Variants in CCSER1 observed in about 807,000 individuals in gnomAD.
CCSER1 encodes serine-rich coiled-coil domain-containing protein 1.
CCSER1 carries 41 observed loss-of-function variants against 82.0 expected under a neutral mutation model. The ratio of observed to expected loss-of-function variants is 0.50; its 90% CI spans 0.39 to 0.65. CCSER1 has a LOEUF of 0.65. Among genes scored for constraint, CCSER1 ranks in the 30% least tolerant of loss-of-function variants. The pLI, the probability that CCSER1 is intolerant of heterozygous loss-of-function variation, is 0.00. For synonymous variants in CCSER1, 414 were observed against 383.9 expected, an observed-to-expected ratio of 1.08 and a Z score of -0.92; for missense variants, 1,119 against 1,064.2, an observed-to-expected ratio of 1.05 and a Z score of -0.72.
intron 10 of CCSER1, among the ~76,000 whole-genome samples, chr4:91,201,041 T>C (rs1735866721): frequency 6.6e-6 from 1 of 152,052 alleles, no homozygotes; most frequent in Admixed American, 6.6e-5. Context: ...CAGTTTACTA[T>C]GTATCTGACT....
At chr4:91,128,385 G>A (rs187281096) in intron 10 of CCSER1, among the ~76,000 whole-genome samples, 430 of 152,002 alleles carry the variant, frequency 2.8e-3, no homozygotes, top group African/African-American at 9.9e-3. Context: ...AAGACAGATA[G>A]GTGTAAACCC....
At chr4:90,539,569 C>CT (rs1167996124) in intron 5 of CCSER1, among the ~76,000 whole-genome samples, 2 of 152,042 alleles carry the variant, frequency 1.3e-5, no homozygotes, top group African/African-American at 4.8e-5. Context: ...AATACAGACT[C>CT]TAATTGGGTA....
chr4:90,663,545 C>T (rs557893955), intron 6 of CCSER1, among the ~76,000 whole-genome samples: 1 of 152,296 alleles, frequency 6.6e-6, no homozygotes, highest in East Asian at 1.9e-4. Context: ...AGCTAGAATG[C>T]AGTGGCACAA....
intron 9 of CCSER1, among the ~76,000 whole-genome samples, chr4:90,948,374 A>G (rs1443278910): frequency 6.6e-6 from 1 of 151,826 alleles, no homozygotes; most frequent in Admixed American, 6.6e-5. Context: ...TCAGGATTTA[A>G]AAAATAATTA....
chr4:90,422,436 A>G (rs1478486828), intron 4 of CCSER1, among the ~76,000 whole-genome samples: 2 of 152,220 alleles, frequency 1.3e-5, no homozygotes, highest in South Asian at 2.1e-4. Flanking sequence ...TTTACAAAAC[A>G]TAAAAGAAAT....
At chr4:91,438,926 A>C (rs1754895273) in intron 10 of CCSER1, among the ~76,000 whole-genome samples, 1 of 152,190 alleles carries the variant, frequency 6.6e-6, no homozygotes, top group Non-Finnish European at 1.5e-5. Flanking sequence ...AGGGAAGTTT[A>C]GAGAAAAAAG....
intron 7 of CCSER1, among the ~76,000 whole-genome samples, chr4:90,771,956 T>C (rs1426628855): frequency 6.6e-6 from 1 of 152,110 alleles, no homozygotes; most frequent in East Asian, 1.9e-4. Context: ...TACTCGAGTT[T>C]TGATCTTTGT....
chr4:91,054,379 C>G (rs1743258357), intron 9 of CCSER1, among the ~76,000 whole-genome samples: 2 of 152,104 alleles, frequency 1.3e-5, no homozygotes. Context: ...TATTATTTAC[C>G]TAGTTTTCAT....
rs1782940030 is a variant in CCSER1, at chr4:90,593,380, AG to A, written c.1725-34644del. On this transcript the variant is annotated intron_variant, in intron 5 of 10. Transcript: ENST00000509176. ...AGCACGGAAAGAATGAAGCAACAAA[AG>A]CAGAGACTAATTGAAAATGAAAGCA... 2.6e-5 allele frequency among the ~76,000 whole-genome samples: 4 copies of A among 152,156 alleles called. No homozygotes were observed. The South Asian group carries it at 8.3e-4, about 31-fold the overall frequency.
At chr4:90,719,691 G>A (rs1742331806) in intron 6 of CCSER1, among the ~76,000 whole-genome samples, 1 of 152,126 alleles carries the variant, frequency 6.6e-6, no homozygotes, top group Non-Finnish European at 1.5e-5. Context: ...GAGGGTAGAA[G>A]ACCATAGATG....
At chr4:91,544,346 G>C (rs553765875) in intron 10 of CCSER1, among the ~76,000 whole-genome samples, 1 of 152,250 alleles carries the variant, frequency 6.6e-6, no homozygotes, top group Non-Finnish European at 1.5e-5. Context: ...TTGTTCTGTT[G>C]CTGGCAAGGA....
intron 3 of CCSER1, among the ~76,000 whole-genome samples, chr4:90,329,834 G>A (rs1738949760): frequency 6.6e-6 from 1 of 152,074 alleles, no homozygotes; most frequent in African/African-American, 2.4e-5. Flanking sequence ...GCTATTTACA[G>A]AGAAATTTAA....
At chr4:90,255,219 A>G (rs1399758760) in intron 1 of CCSER1, among the ~76,000 whole-genome samples, 1 of 152,226 alleles carries the variant, frequency 6.6e-6, no homozygotes, top group Non-Finnish European at 1.5e-5. Flanking sequence ...TAATTTACAA[A>G]GAAAATTATA....
At chr4:91,157,831 G>A (rs1485134831) in intron 10 of CCSER1, among the ~76,000 whole-genome samples, 1 of 151,934 alleles carries the variant, frequency 6.6e-6, no homozygotes, top group Admixed American at 6.6e-5. Context: ...CTTTTTGATT[G>A]TCCATGCTCC....
In CCSER1 at chr4:91,218,593, G is replaced by C. The variant is rs1737485939; in HGVS notation, c.2217+132599G>C. On this transcript the variant is annotated intron_variant, in intron 10 of 10. Transcript: ENST00000509176. ...AGAAGCTTACTATTTAGAACTTAATGATACATAACACTAGTGTACTTTGAG... is the reference window on the plus strand; with the variant it reads ...AGAAGCTTACTATTTAGAACTTAATCATACATAACACTAGTGTACTTTGAG... Among the ~76,000 whole-genome samples, 3 of 152,192 alleles carry C rather than the reference G, an allele frequency of 2.0e-5. 1 individual carries two copies. Among genetic ancestry groups the C allele is most frequent in the Admixed American group, 6.5e-5 (1 of 15,286 alleles).
intron 1 of CCSER1, among the ~76,000 whole-genome samples, chr4:90,158,126 T>A (rs1452338291): frequency 6.6e-6 from 1 of 152,158 alleles, no homozygotes; most frequent in Admixed American, 6.5e-5. Flanking sequence ...TGTTGGAGTT[T>A]GCTAGAGGTC....
chr4:91,160,896 CT>C (rs1489876247), intron 10 of CCSER1, among the ~76,000 whole-genome samples: 3 of 152,018 alleles, frequency 2.0e-5, no homozygotes, highest in African/African-American at 7.2e-5. Context: ...TGCAGGAGCC[CT>C]TTAGTTTAAT....
At chr4:90,195,154 A>G (rs1351299270) in intron 1 of CCSER1, among the ~76,000 whole-genome samples, 1 of 152,118 alleles carries the variant, frequency 6.6e-6, no homozygotes, top group East Asian at 1.9e-4. Context: ...GTACATGGAT[A>G]GTTATAGCAG....
rs1271727973 is a variant in CCSER1, at chr4:90,271,840, ATATATATATATATATATATATATTTTT to A, written c.-41-36402_-41-36376del. ...GACTGGACAATTTATATATATATAT[ATATATATATATATATATATATATTTTT>A]TTTTTTTTTTTTTTTTTTTTTTTAA... On this transcript the variant is annotated intron_variant, in intron 1 of 10. Coordinates refer to ENST00000509176, the MANE Select transcript of CCSER1 (RefSeq NM_001145065.2). Among the ~76,000 whole-genome samples, 8 of 20,572 alleles carry A rather than the reference ATATATATATATATATATATATATTTTT, an allele frequency of 3.9e-4. 1 individual carries two copies. The highest frequency in any genetic ancestry group is 2.2e-3 in the African/African-American group (5 of 2,280). 13.5% of individuals were successfully genotyped at this position (20,572 alleles called of 152,430 possible).
Sources: gnomAD v4.1 joint callset for allele counts (sites outside exome capture counted in the v4.1 genomes callset) on GRCh38, gnomAD v4.1.1 for gene constraint, MANE v1.5 for transcripts, NCBI Gene and HGNC (gene_info 2026-07-23, HGNC 2026-07-21) for gene names.